The following ALDH3A2 variants were observed in gnomAD, a reference collection of about 807,000 sequenced individuals.
ALDH3A2 encodes aldehyde dehydrogenase family 3 member A2.
Under a neutral mutation model 51.3 loss-of-function variants are expected in ALDH3A2, and 36 were observed. The ratio of observed to expected loss-of-function variants is 0.70; its 90% CI spans 0.54 to 0.93. The LOEUF (loss-of-function observed/expected upper bound fraction) is 0.93, where lower values mean the gene tolerates loss of function less well. ALDH3A2 is among the 40% of genes least tolerant of loss of function. The pLI is 0.00. For missense variants in ALDH3A2, 552 were observed against 603.1 expected (o/e 0.92, Z 0.89); for synonymous variants, 199 against 219.8 (o/e 0.91, Z 0.84).
chr17:19,648,391 G>A (rs1199953642), upstream of ALDH3A2: 1 of 152,904 alleles, frequency 6.5e-6, no homozygotes, highest in Non-Finnish European at 1.5e-5. Context: ...AATGGAGGAG[G>A]GAACCCCTCA....
rs762906652 is a variant in ALDH3A2 at position 19,661,175 on chromosome 17, A to G, written c.847A>G (p.Ile283Val). The G allele has an allele frequency of 1.2e-5, 19 of 1,613,474 alleles. No individual in the cohort carries two copies. Among genetic ancestry groups the G allele is most frequent in the Non-Finnish European group, 1.6e-5 (19 of 1,179,386 alleles). ...IKESPDYERI[I>V]NLRHFKRILS... ...AGAGTCTCCTGATTATGAAAGGATC[A>G]TCAATCTTCGTCATTTTAAGAGGAT... The change falls in exon 6 of 10, where the codon ATC becomes GTC. Residue 283 changes from isoleucine (I) to valine (V), a missense_variant. By Grantham distance (29) the Ile-to-Val change is conservative. Transcript: ENST00000176643.
chr17:19,666,410 A>G (rs2085038668), intron 8 of ALDH3A2, among the ~76,000 whole-genome samples: 1 of 152,166 alleles, frequency 6.6e-6, no homozygotes, highest in Non-Finnish European at 1.5e-5. Context: ...TTGCAAATCT[A>G]AGTGACTTGG....
intron 8 of ALDH3A2, among the ~76,000 whole-genome samples, chr17:19,668,498 T>C (rs1597569791): frequency 6.6e-6 from 1 of 152,062 alleles, no homozygotes; most frequent in African/African-American, 2.4e-5. Flanking sequence ...TCCACCTGCC[T>C]TAGCCTCCCA....
At chr17:19,675,350 T>C in intron 9 of ALDH3A2, 1 of 611,422 alleles carries the variant, frequency 1.6e-6, no homozygotes. Context: ...ATTGTTATTG[T>C]TGTTTTTTGA....
upstream of ALDH3A2, chr17:19,648,652 G>A (rs1880552568): frequency 9.2e-6 from 4 of 432,928 alleles, no homozygotes; most frequent in South Asian, 4.9e-5. Flanking sequence ...CCCGCTGCCA[G>A]AGCCGGGGAG....
At chr17:19,664,082 G>T (rs906697325) in intron 7 of ALDH3A2, among the ~76,000 whole-genome samples, 1 of 152,200 alleles carries the variant, frequency 6.6e-6, no homozygotes, top group Admixed American at 6.5e-5. Flanking sequence ...ATGTTTTCTG[G>T]AGAGCTTCTG....
intron 5 of ALDH3A2, 104 bp from the exon 6 acceptor site, chr17:19,661,023 G>C: frequency 8.8e-7 from 1 of 1,132,430 alleles, no homozygotes; most frequent in Non-Finnish European, 1.3e-6. Flanking sequence ...GATTCTGTGA[G>C]GATATAAAAC....
rs369182127 is a variant in ALDH3A2, at chr17:19,649,017, C to T, written c.46C>T (p.Arg16Trp). ...GGTCCGACAGGCGTTCCTGTCCGGC[C>T]GGTCGCGACCTCTGCGGTTTCGGCT... is the stretch of plus-strand genomic sequence containing the variant. ...RRVRQAFLSG[R>W]SRPLRFRLQQ... Residue 16 changes from arginine (R) to tryptophan (W), a missense_variant, in exon 1 of 10, where the codon CGG becomes TGG. By Grantham distance (101) the Arg-to-Trp change is moderately radical. Coordinates refer to ENST00000176643, the MANE Select transcript of ALDH3A2 (RefSeq NM_000382.3). 1 of 1,582,398 alleles carries T rather than the reference C, an allele frequency of 6.3e-7. No individual in the cohort carries two copies. Among genetic ancestry groups the T allele is most frequent in the East Asian group, 2.3e-5 (1 of 43,690 alleles).
At chr17:19,656,258 ACT>A in intron 3 of ALDH3A2, 106 bp from the exon 4 acceptor site, 1 of 1,036,892 alleles carries the variant, frequency 9.6e-7, no homozygotes, top group Non-Finnish European at 1.5e-6. Flanking sequence ...TGGTCTTGAC[ACT>A]CTCTGGGTTT....
Position 19,675,564 on chromosome 17 carries a change from T to G in ALDH3A2, c.1450T>G (p.Tyr484Asp). 1 of 1,613,850 alleles carries G rather than the reference T, an allele frequency of 6.2e-7. No homozygotes were observed. Among genetic ancestry groups the G allele is most frequent in the Admixed American group, 1.7e-5 (1 of 60,034 alleles). The part of the protein sequence containing the change: ...IVAAVLVKAE[Y>D]Y ...CCTTTTTTCCTCTCTCCAGGCAGAATATTACTGAAGAATGATCCTGTTCAA... is the reference window on the plus strand; with the variant it reads ...CCTTTTTTCCTCTCTCCAGGCAGAAGATTACTGAAGAATGATCCTGTTCAA... The change falls in exon 10 of 10, where the codon TAT becomes GAT. Residue 484 changes from tyrosine to aspartate, a missense_variant. Tyr to Asp is a radical substitution (Grantham distance 160). Coordinates refer to ENST00000176643, the MANE Select transcript of ALDH3A2 (RefSeq NM_000382.3).
At chr17:19,668,692 A>C (rs939858388) in intron 8 of ALDH3A2, among the ~76,000 whole-genome samples, 2 of 87,272 alleles carry the variant, frequency 2.3e-5, no homozygotes, top group Non-Finnish European at 5.1e-5. Context: ...GGGGAGGCCA[A>C]GGCACCTGGC....
chr17:19,672,341 C>T (rs767160484), intron 9 of ALDH3A2: 8 of 243,504 alleles, frequency 3.3e-5, no homozygotes, highest in Non-Finnish European at 5.6e-5. Flanking sequence ...TGGTATTGGA[C>T]TTTCCTTGTC....
In ALDH3A2 at chr17:19,675,731, A is replaced by G. The variant is rs2085179252; in HGVS notation, c.*159A>G. On this transcript the variant is annotated 3_prime_UTR_variant, in exon 10 of 10. Transcript: ENST00000176643. ...GTCATTGCCATTCATCATTAATAAAAGTTGCCATTTCAACTACGTCCCAAC... is the reference window on the plus strand; with the variant it reads ...GTCATTGCCATTCATCATTAATAAAGGTTGCCATTTCAACTACGTCCCAAC... 1 of 880,256 alleles carries G rather than the reference A, an allele frequency of 1.1e-6. No homozygotes were observed. The highest frequency in any genetic ancestry group is 1.9e-6 in the Non-Finnish European group (1 of 540,050). The allele number at this position is 880,256 out of a possible 1,614,324, so 54.5% of individuals were successfully genotyped here.
At chr17:19,657,449 G>T (rs991787665) in intron 4 of ALDH3A2, among the ~76,000 whole-genome samples, 1 of 152,208 alleles carries the variant, frequency 6.6e-6, no homozygotes. Context: ...GACATTGGGA[G>T]GCTGTTTCTC....
Position 19,651,677 on chromosome 17 carries a change from C to A in ALDH3A2, c.284C>A (p.Ala95Asp). 6.2e-7 allele frequency: 1 copy of A among 1,614,160 alleles called. No individual in the cohort carries two copies. The stretch of plus-strand genomic sequence containing the variant: ...AACGTGCTCACCATGCTGGATGAGG[C>A]CTATATTCAGCCACAGCCTCTGGGA... ...KKNVLTMLDE[A>D]YIQPQPLGVV... The change falls in exon 2 of 10, where the codon GCC becomes GAC. Residue 95 changes from alanine (A) to aspartate (D), a missense_variant. Ala to Asp is a moderately radical substitution (Grantham distance 126). Coordinates refer to ENST00000176643, the MANE Select transcript of ALDH3A2 (RefSeq NM_000382.3).
At chr17:19,667,652 G>A (rs1306697453) in intron 8 of ALDH3A2, among the ~76,000 whole-genome samples, 2 of 151,902 alleles carry the variant, frequency 1.3e-5, no homozygotes, top group African/African-American at 4.8e-5. Context: ...TCCAACTCCT[G>A]GGTTCTAGCA....
At chr17:19,653,192 G>A (rs185346543) in intron 3 of ALDH3A2, among the ~76,000 whole-genome samples, 1 of 151,982 alleles carries the variant, frequency 6.6e-6, no homozygotes, top group East Asian at 1.9e-4. Flanking sequence ...TTACAGACGT[G>A]TGCCACCATG....
At chr17:19,673,782 C>T (rs1022823504) in intron 9 of ALDH3A2, among the ~76,000 whole-genome samples, 4 of 152,146 alleles carry the variant, frequency 2.6e-5, no homozygotes, top group Non-Finnish European at 5.9e-5. Context: ...GACCTGGGCC[C>T]AGAGTATCAG....
chr17:19,672,020 T>C lies in ALDH3A2; in HGVS notation c.1443+64T>C, dbSNP rs1021595233. The stretch of plus-strand genomic sequence containing the variant: ...CCTGGCCTGATGGCTGCCAGATGCA[T>C]ATTCTAGCAGGACTCTACATTAACT... On this transcript the variant is annotated intron_variant, in intron 9 of 9. Coordinates refer to ENST00000176643, the MANE Select transcript of ALDH3A2 (RefSeq NM_000382.3). The C allele has an allele frequency of 1.1e-5, 15 of 1,388,656 alleles. No individual in the cohort carries two copies. In the African/African-American group the frequency reaches 1.8e-4, roughly 17 times the overall value. The allele number at this position is 1,388,656 out of a possible 1,614,324, so 86.0% of individuals were successfully genotyped here.
Sources: allele counts gnomAD v4.1 joint callset (sites outside exome capture counted in the v4.1 genomes callset), GRCh38; gene constraint gnomAD v4.1.1; transcripts MANE v1.5; gene names NCBI Gene and HGNC (gene_info 2026-07-23, HGNC 2026-07-21).